The following ATP10B variants were observed in gnomAD, a reference collection of about 807,000 sequenced individuals.
ATP10B encodes ATPase phospholipid transporting 10B (putative), also known as phospholipid-transporting ATPase VB.
In ATP10B, 122 loss-of-function variants were observed where a neutral mutation model predicts 141.2. That is an observed-to-expected ratio of 0.86 (90% CI 0.75 to 1.00). ATP10B has a LOEUF of 1.00. Among genes scored for constraint, ATP10B ranks in the 50% least tolerant of loss-of-function variants. The probability of loss-of-function intolerance (pLI) is 0.00; values close to 1 mark genes in which losing one functional copy is unlikely to be tolerated. For missense variants in ATP10B, 1,876 were observed against 1,825.3 expected (o/e 1.03, Z -0.51); for synonymous variants, 685 against 692.0 (o/e 0.99, Z 0.16).
chr5:160,602,475 C>T, intron 21 of ATP10B, 102 bp downstream of exon 21: 1 of 1,513,730 alleles, frequency 6.6e-7, no homozygotes, highest in East Asian at 2.3e-5. Context: ...AGCCTGACTC[C>T]TTCCTTTATG....
At chr5:160,779,885 TC>T (rs1440586126) in intron 2 of ATP10B, among the ~76,000 whole-genome samples, 1 of 152,200 alleles carries the variant, frequency 6.6e-6, no homozygotes, top group African/African-American at 2.4e-5. Context: ...TATGGCTATG[TC>T]CTTATCTCAT....
chr5:160,641,551 G>A (rs1046438963), intron 9 of ATP10B, among the ~76,000 whole-genome samples: 12 of 152,208 alleles, frequency 7.9e-5, no homozygotes, highest in African/African-American at 2.9e-4. Flanking sequence ...GAAAGAATAA[G>A]TCAATGTCAG....
chr5:160,888,448 G>T, the ATP10B span, among the ~76,000 whole-genome samples: 1 of 152,166 alleles, frequency 6.6e-6, no homozygotes, highest in African/African-American at 2.4e-5. Context: ...CGATGTCTAG[G>T]CGGCTTCTCT....
At chr5:160,725,534 C>T (rs2127786810) in intron 2 of ATP10B, among the ~76,000 whole-genome samples, 1 of 152,198 alleles carries the variant, frequency 6.6e-6, no homozygotes, top group South Asian at 2.1e-4. Flanking sequence ...CAAGCTCCGC[C>T]TCCCGGGTTC....
chr5:160,633,424 C>T (rs933362310), intron 12 of ATP10B: 1 of 152,102 alleles, frequency 6.6e-6, no homozygotes, highest in Non-Finnish European at 1.5e-5. Flanking sequence ...CACAGATGAA[C>T]AGGAAACCAT....
rs557344097 is a variant in ATP10B, at chr5:160,703,709, T to C, written c.-205+13200A>G. Among the ~76,000 whole-genome samples the C allele has an allele frequency of 5.3e-5, 8 of 152,222 alleles. No individual in the cohort carries two copies. The East Asian group carries it at 1.5e-3, about 29-fold the overall frequency. Reference sequence around the variant, plus strand: ...TGAACGCCTGACCTCAGGTGATCCATCAGCCTTGGCCTCCCATAGTGCTGG... The same window carrying C: ...TGAACGCCTGACCTCAGGTGATCCACCAGCCTTGGCCTCCCATAGTGCTGG... On this transcript the variant is annotated intron_variant, in intron 3 of 25. Transcript: ENST00000327245.
At chr5:160,829,477 G>A (rs1427894554) in intron 1 of ATP10B, among the ~76,000 whole-genome samples, 1 of 151,946 alleles carries the variant, frequency 6.6e-6, no homozygotes, top group Non-Finnish European at 1.5e-5. Context: ...GTTTAGAATC[G>A]TTTTTTCCTA....
chr5:160,588,568 C>A (rs1265065522), intron 24 of ATP10B, among the ~76,000 whole-genome samples: 1 of 152,186 alleles, frequency 6.6e-6, no homozygotes, highest in African/African-American at 2.4e-5. Context: ...TATCTACTTA[C>A]ACTATTAGCA....
intron 1 of ATP10B, among the ~76,000 whole-genome samples, chr5:160,823,849 A>G (rs1439150341): frequency 6.6e-6 from 1 of 152,074 alleles, no homozygotes; most frequent in African/African-American, 2.4e-5. Context: ...AACAAACAAA[A>G]TAACATATTT....
the ATP10B span, among the ~76,000 whole-genome samples, chr5:160,868,453 T>A: frequency 3.3e-5 from 5 of 151,724 alleles, no homozygotes; most frequent in African/African-American, 1.2e-4. Context: ...AGTTTGTGAT[T>A]TTCTTTAAAA....
At chr5:160,566,964 G>T (rs1397937934) in intron 25 of ATP10B, among the ~76,000 whole-genome samples, 1 of 152,178 alleles carries the variant, frequency 6.6e-6, no homozygotes, top group Non-Finnish European at 1.5e-5. Flanking sequence ...CTGCCAGTGG[G>T]CAAGAGATTT....
intron 16 of ATP10B, among the ~76,000 whole-genome samples, chr5:160,616,320 G>A (rs1693882148): frequency 6.6e-6 from 1 of 152,188 alleles, no homozygotes; most frequent in African/African-American, 2.4e-5. Context: ...ATGAGAAAGT[G>A]TGATGGGATA....
intron 25 of ATP10B, 73 bp downstream of exon 25, chr5:160,569,423 T>A: frequency 6.7e-7 from 1 of 1,495,438 alleles, no homozygotes; most frequent in East Asian, 2.3e-5. Context: ...CTCCTGACTC[T>A]TGGGTTATAA....
chr5:160,821,363 A>G (rs1774089220), intron 1 of ATP10B, among the ~76,000 whole-genome samples: 2 of 152,092 alleles, frequency 1.3e-5, no homozygotes. Flanking sequence ...AAGAAATTAA[A>G]TAAGATACAA....
chr5:160,786,956 T>A (rs2127897589), intron 1 of ATP10B, among the ~76,000 whole-genome samples: 1 of 152,174 alleles, frequency 6.6e-6, no homozygotes, highest in African/African-American at 2.4e-5. Context: ...ATGACAGCTC[T>A]CTGGTGGCCT....
chr5:160,706,178 T>C (rs1765000610), intron 3 of ATP10B, among the ~76,000 whole-genome samples: 1 of 152,198 alleles, frequency 6.6e-6, no homozygotes, highest in Admixed American at 6.5e-5. Flanking sequence ...CCAGGTGTAA[T>C]AAATGACAAG....
intron 7 of ATP10B, among the ~76,000 whole-genome samples, chr5:160,652,696 TAA>T (rs2127693878): frequency 1.5e-5 from 2 of 129,262 alleles, no homozygotes; most frequent in East Asian, 4.2e-4. Flanking sequence ...TATGTATAAA[TAA>T]TATATACATA....
intron 2 of ATP10B, among the ~76,000 whole-genome samples, chr5:160,771,058 GCTTTGGCCTCAGTTATAAAGT>G (rs1769866295): frequency 6.6e-6 from 1 of 152,186 alleles, no homozygotes; most frequent in African/African-American, 2.4e-5. Flanking sequence ...TTGAGTCAAG[GCTTTGGCCTCAGTTATAAAGT>G]CACACACCTT....
chr5:160,893,745 C>A, the ATP10B span, among the ~76,000 whole-genome samples: 7 of 152,216 alleles, frequency 4.6e-5, no homozygotes, highest in Non-Finnish European at 1.0e-4. Context: ...TGCCTCCTAA[C>A]TGGGAGACAC....
Sources: allele counts gnomAD v4.1 joint callset (sites outside exome capture counted in the v4.1 genomes callset), GRCh38; gene constraint gnomAD v4.1.1; transcripts MANE v1.5; gene names NCBI Gene and HGNC (gene_info 2026-07-23, HGNC 2026-07-21).